The following FAM13C variants were observed in gnomAD, a reference collection of about 807,000 sequenced individuals.
FAM13C encodes protein FAM13C.
A neutral mutation model predicts 73.2 loss-of-function variants in FAM13C; 37 were observed. The ratio of observed to expected loss-of-function variants is 0.51; its 90% CI spans 0.39 to 0.67. The LOEUF (loss-of-function observed/expected upper bound fraction) is 0.67. Ranked by LOEUF, FAM13C falls within the 30% of genes least tolerant of loss-of-function variation. FAM13C has a pLI of 0.00. For missense variants in FAM13C, 589 were observed against 715.6 expected, an observed-to-expected ratio of 0.82 and a Z score of 2.02; for synonymous variants, 246 against 260.9, an observed-to-expected ratio of 0.94 and a Z score of 0.55.
intron 5 of FAM13C, among the ~76,000 whole-genome samples, chr10:59,291,450 C>G (rs1846209938): frequency 6.6e-6 from 1 of 152,216 alleles, no homozygotes; most frequent in Non-Finnish European, 1.5e-5. Context: ...GCCCCAGCTT[C>G]CCTCTGTTCA....
intron 5 of FAM13C, among the ~76,000 whole-genome samples, chr10:59,285,829 A>G (rs1845490973): frequency 6.6e-6 from 1 of 152,234 alleles, no homozygotes; most frequent in Non-Finnish European, 1.5e-5. Flanking sequence ...AAAGAAGGCC[A>G]TGTGAGAAGG....
intron 2 of FAM13C, among the ~76,000 whole-genome samples, chr10:59,353,550 C>T (rs913031104): frequency 6.6e-6 from 1 of 152,126 alleles, no homozygotes; most frequent in Non-Finnish European, 1.5e-5. Flanking sequence ...CCTAGCTGCT[C>T]AAGGACACCT....
intron 3 of FAM13C, among the ~76,000 whole-genome samples, chr10:59,346,806 C>G (rs1285132913): frequency 6.6e-6 from 1 of 152,170 alleles, no homozygotes; most frequent in East Asian, 1.9e-4. Context: ...GTTAATTTTT[C>G]ACAAACTATT....
chr10:59,344,279 T>C (rs889724315), intron 3 of FAM13C, among the ~76,000 whole-genome samples: 3 of 132,430 alleles, frequency 2.3e-5, no homozygotes, highest in Non-Finnish European at 4.8e-5. Context: ...ACTACTTCTT[T>C]TTTTCTTTTT....
Position 59,304,768 on chromosome 10 carries a change from G to GGGAAGGGAAGGGAAGGGAAA in FAM13C, c.444-1905_444-1904insTTTCCCTTCCCTTCCCTTCC, listed in dbSNP as rs1362594448. Among the ~76,000 whole-genome samples, 214 of 71,058 alleles carry GGGAAGGGAAGGGAAGGGAAA rather than the reference G, an allele frequency of 3.0e-3. 7 individuals carry two copies. The highest frequency in any genetic ancestry group is 9.5e-3 in the African/African-American group (179 of 18,822). 46.6% of individuals were successfully genotyped at this position (71,058 alleles called of 152,430 possible). A position where few individuals can be genotyped will look rare whatever the true frequency, so the allele number is the denominator to read the frequency against. On this transcript the variant is annotated intron_variant, in intron 4 of 13. Transcript: ENST00000618804. ...ACTTAAAATAAATAAAAAGAGGGAA[G>GGGAAGGGAAGGGAAGGGAAA]GGAAGGGAAGGGAAGGGAAGGGAAG...
intron 13 of FAM13C, among the ~76,000 whole-genome samples, chr10:59,249,073 A>G (rs1203362656): frequency 6.6e-6 from 1 of 152,186 alleles, no homozygotes; most frequent in East Asian, 1.9e-4. Flanking sequence ...TCAATTATGT[A>G]ATTTTCCGTA....
At chr10:59,347,915 C>A (rs1854529133) in intron 3 of FAM13C, among the ~76,000 whole-genome samples, 1 of 152,076 alleles carries the variant, frequency 6.6e-6, no homozygotes, top group Non-Finnish European at 1.5e-5. Context: ...TTTTCTTTAT[C>A]CAGTCTATCA....
At chr10:59,294,065 C>T (rs1460326319) in intron 5 of FAM13C, among the ~76,000 whole-genome samples, 1 of 152,152 alleles carries the variant, frequency 6.6e-6, no homozygotes, top group Admixed American at 6.5e-5. Flanking sequence ...CCATCATTTC[C>T]TCACAAAATG....
chr10:59,312,995 A>T (rs1203819342), intron 4 of FAM13C, among the ~76,000 whole-genome samples: 1 of 152,184 alleles, frequency 6.6e-6, no homozygotes, highest in Non-Finnish European at 1.5e-5. Flanking sequence ...TTCTTCTGAC[A>T]TCAACCTCCC....
intron 3 of FAM13C, among the ~76,000 whole-genome samples, chr10:59,352,016 T>C (rs1390454483): frequency 6.6e-6 from 1 of 151,842 alleles, no homozygotes; most frequent in Non-Finnish European, 1.5e-5. Context: ...AATAAATAAA[T>C]AAAAATTAAA....
intron 6 of FAM13C, among the ~76,000 whole-genome samples, chr10:59,272,055 T>A (rs1843776933): frequency 6.6e-6 from 1 of 152,112 alleles, no homozygotes; most frequent in African/African-American, 2.4e-5. Flanking sequence ...CTGGAACCCA[T>A]AGAGTCCTAA....
intron 3 of FAM13C, among the ~76,000 whole-genome samples, chr10:59,328,787 C>T (rs1021809291): frequency 2.0e-5 from 3 of 152,124 alleles, no homozygotes; most frequent in African/African-American, 4.8e-5. Flanking sequence ...ATTGTTAATG[C>T]CTTGCATTTA....
At chr10:59,261,964 T>C (rs769386236) in intron 10 of FAM13C, among the ~76,000 whole-genome samples, 2 of 152,136 alleles carry the variant, frequency 1.3e-5, no homozygotes, top group African/African-American at 2.4e-5. Flanking sequence ...TATTTCAACT[T>C]AACTCTCCCA....
At position 59,321,431 on chromosome 10, in the gene FAM13C, C is replaced by CTTTTTTTTTTTTTTTTTTTTTTTTTT; in HGVS notation, c.443+2556_443+2557insAAAAAAAAAAAAAAAAAAAAAAAAAA. ...AGAAAGGAATGGAGCCCTGCCAACA[C>CTTTTTTTTTTTTTTTTTTTTTTTTTT]CTTTTTTTTTTTTTTTTTTTTTTTT... On this transcript the variant is annotated intron_variant, in intron 4 of 13. Coordinates refer to ENST00000618804, the MANE Select transcript of FAM13C (RefSeq NM_198215.4). Among the ~76,000 whole-genome samples the CTTTTTTTTTTTTTTTTTTTTTTTTTT allele has an allele frequency of 1.8e-5, 2 of 109,856 alleles. 1 individual carries two copies. The highest frequency in any genetic ancestry group is 3.7e-5 in the Non-Finnish European group (2 of 53,744). The allele number at this position is 109,856 out of a possible 152,430, so 72.1% of individuals were successfully genotyped here.
intron 3 of FAM13C, among the ~76,000 whole-genome samples, chr10:59,346,552 CT>C: frequency 6.6e-6 from 1 of 152,178 alleles, no homozygotes; most frequent in East Asian, 1.9e-4. Flanking sequence ...TAGCCTCCTA[CT>C]TTTTGTCTTC....
intron 5 of FAM13C, among the ~76,000 whole-genome samples, chr10:59,291,632 C>T (rs1273893292): frequency 6.8e-6 from 1 of 146,336 alleles, no homozygotes; most frequent in Middle Eastern, 3.4e-3. Context: ...AATAATAAAA[C>T]CCACATTTCC....
rs766471482 is a variant in FAM13C at position 59,352,294 on chromosome 10, G to A, written c.300C>T (p.Ser100=). The A allele has an allele frequency of 4.3e-6, 7 of 1,613,980 alleles. No individual in the cohort carries two copies. Among genetic ancestry groups the A allele is most frequent in the Non-Finnish European group, 5.1e-6 (6 of 1,180,010 alleles). Residue 100 remains serine, a synonymous_variant, in exon 3 of 14, where the codon AGC becomes AGT. Coordinates refer to ENST00000618804, the MANE Select transcript of FAM13C (RefSeq NM_198215.4). ...RKPKSIFKAE[S]GRSHGESQET... ...CCTGACTTTCTCCGTGGCTCCTCCCGCTCTCCGCTTTGAAGATGGACTTGG... is the reference window on the plus strand; with the variant it reads ...CCTGACTTTCTCCGTGGCTCCTCCCACTCTCCGCTTTGAAGATGGACTTGG...
At chr10:59,251,795 G>T in intron 12 of FAM13C, 119 bp from the exon 13 acceptor site, 1 of 750,662 alleles carries the variant, frequency 1.3e-6, no homozygotes, top group Non-Finnish European at 2.1e-6. Flanking sequence ...CCCATCATAA[G>T]AGTATCTTTT....
rs574842067 is a variant in FAM13C, at chr10:59,307,929, A to T, written c.444-5065T>A. ...GCTTTTCACTGGAGTTTAGCAATGA[A>T]TGATGGAGAACTGGAACAGTAGCTA... On this transcript the variant is annotated intron_variant, in intron 4 of 13. Coordinates refer to ENST00000618804, the MANE Select transcript of FAM13C (RefSeq NM_198215.4). Among the ~76,000 whole-genome samples the T allele has an allele frequency of 1.6e-4, 25 of 152,292 alleles. No homozygotes were observed. In the South Asian group the frequency reaches 4.8e-3, roughly 29 times the overall value.
Sources: allele counts gnomAD v4.1 joint callset (sites outside exome capture counted in the v4.1 genomes callset), GRCh38; gene constraint gnomAD v4.1.1; transcripts MANE v1.5; gene names NCBI Gene and HGNC (gene_info 2026-07-23, HGNC 2026-07-21).